OCIAD1: variants seen among roughly 807,000 people sequenced by gnomAD.
The protein encoded by OCIAD1 is OCIA domain containing 1, also known as OCIA domain-containing protein 1.
In OCIAD1, 29 loss-of-function variants were observed where a neutral mutation model predicts 38.9. The observed-to-expected ratio is 0.74, with a 90% CI of 0.55 to 1.02. OCIAD1 has a LOEUF of 1.02. Among genes scored for constraint, OCIAD1 ranks in the 50% least tolerant of loss-of-function variants. OCIAD1 has a pLI of 0.00. For missense variants in OCIAD1, 288 were observed against 289.6 expected (o/e 0.99, Z 0.04); for synonymous variants, 110 against 92.0 (o/e 1.20, Z -1.12).
upstream of OCIAD1, among the ~76,000 whole-genome samples, chr4:48,827,067 C>T (rs1777258486): frequency 6.6e-6 from 1 of 152,126 alleles, no homozygotes; most frequent in African/African-American, 2.4e-5. Flanking sequence ...ACTAGATAGT[C>T]TGGTGAACTA....
chr4:48,840,328 A>G (rs767970667), intron 3 of OCIAD1, among the ~76,000 whole-genome samples: 8 of 152,250 alleles, frequency 5.3e-5, no homozygotes, highest in Non-Finnish European at 1.2e-4. Flanking sequence ...GAGAAAAATG[A>G]TTGCAAATTG....
At chr4:48,849,748 G>C (rs542618467) in intron 5 of OCIAD1, among the ~76,000 whole-genome samples, 199 bp from the exon 6 acceptor site, 3 of 152,130 alleles carry the variant, frequency 2.0e-5, no homozygotes, top group Admixed American at 2.0e-4. Context: ...TTTGGAAACT[G>C]AATTATATCC....
intron 7 of OCIAD1, chr4:48,856,356 A>G (rs552993969): frequency 6.6e-6 from 1 of 152,274 alleles, no homozygotes; most frequent in East Asian, 1.9e-4. Context: ...ATTAAAGGCT[A>G]TGTTTTATAC....
chr4:48,829,843 G>A (rs1312568699), upstream of OCIAD1, among the ~76,000 whole-genome samples: 8 of 152,206 alleles, frequency 5.3e-5, no homozygotes, highest in African/African-American at 1.9e-4. Context: ...TCCTAAAGGA[G>A]CTCTGTAACA....
chr4:48,821,091 C>A (rs959962868), intron 1 of OCIAD1, among the ~76,000 whole-genome samples: 1 of 152,132 alleles, frequency 6.6e-6, no homozygotes, highest in African/African-American at 2.4e-5. Context: ...GGCAGAGACA[C>A]AACAAAAAAA....
chr4:48,829,116 T>C (rs1224206185), upstream of OCIAD1, among the ~76,000 whole-genome samples: 5 of 152,062 alleles, frequency 3.3e-5, no homozygotes, highest in Non-Finnish European at 5.9e-5. Context: ...AAAAATTAGC[T>C]GGGCGTGGTG....
At chr4:48,807,985 A>G (rs115431308) in intron 1 of OCIAD1, among the ~76,000 whole-genome samples, 2,610 of 152,222 alleles carry the variant, frequency 0.017, 70 homozygotes, top group African/African-American at 0.059. Flanking sequence ...TTAGTTCTCA[A>G]AATAAGAGGT....
chr4:48,820,272 G>C (rs556434513), intron 1 of OCIAD1, among the ~76,000 whole-genome samples: 1 of 152,256 alleles, frequency 6.6e-6, no homozygotes, highest in Admixed American at 6.5e-5. Context: ...CAACTACATG[G>C]AAATTGAACA....
At chr4:48,848,601 G>T in intron 5 of OCIAD1, 155 bp downstream of exon 5, 1 of 409,872 alleles carries the variant, frequency 2.4e-6, no homozygotes, top group Non-Finnish European at 4.3e-6. Flanking sequence ...TGGATTACTT[G>T]GATATTTTAT....
chr4:48,852,277 TTGAAAATAC>T, intron 7 of OCIAD1: 1 of 232,286 alleles, frequency 4.3e-6, no homozygotes, highest in Non-Finnish European at 8.3e-6. Context: ...GTCCCAGTAA[TTGAAAATAC>T]TAAGGCAAGC....
upstream of OCIAD1, among the ~76,000 whole-genome samples, chr4:48,826,773 G>T (rs1560409848): frequency 6.6e-6 from 1 of 152,060 alleles, no homozygotes; most frequent in African/African-American, 2.4e-5. Context: ...TTTTCCTCCA[G>T]CTACCACTCT....
intron 7 of OCIAD1, 76 bp downstream of exon 7, chr4:48,852,051 C>A: frequency 9.7e-7 from 1 of 1,029,696 alleles, no homozygotes; most frequent in South Asian, 1.5e-5. Context: ...ATGACCTTTT[C>A]TGCTGGATAT....
At chr4:48,844,851 A>G (rs1778843122) in intron 4 of OCIAD1, among the ~76,000 whole-genome samples, 1 of 152,172 alleles carries the variant, frequency 6.6e-6, no homozygotes, top group African/African-American at 2.4e-5. Flanking sequence ...TCATCTCTAG[A>G]TTACTTATAA....
At chr4:48,823,120 G>A (rs1777210147) in intron 1 of OCIAD1, among the ~76,000 whole-genome samples, 1 of 152,118 alleles carries the variant, frequency 6.6e-6, no homozygotes, top group Non-Finnish European at 1.5e-5. Context: ...GTTTACAATA[G>A]CAAAGTCATG....
In OCIAD1 at chr4:48,831,141, G is replaced by T; in HGVS notation, c.-114G>T. ...CTGTTCTACCCCTCCCCCTCCCCGC[G>T]GTACCTTGCACTTTTCTCCCTCCCT... On this transcript the variant is annotated 5_prime_UTR_variant, in exon 1 of 9. Transcript: ENST00000264312. The T allele has an allele frequency of 7.1e-6, 2 of 282,578 alleles. No homozygotes were observed. The highest frequency in any genetic ancestry group is 1.4e-5 in the Non-Finnish European group (2 of 140,586). 17.5% of individuals were successfully genotyped at this position (282,578 alleles called of 1,614,324 possible). A position where few individuals can be genotyped will look rare whatever the true frequency, so the allele number is the denominator to read the frequency against.
At position 48,832,896 on chromosome 4, in the gene OCIAD1, GGTAGCCA is replaced by G. The variant is rs2109513502; in HGVS notation, c.58+217_58+223del. The G allele has an allele frequency of 5.5e-6, 3 of 545,942 alleles. No homozygotes were observed. The East Asian group carries it at 9.2e-5, about 17-fold the overall frequency. 33.8% of individuals were successfully genotyped at this position (545,942 alleles called of 1,614,324 possible). ...ATTTTGCACTGGGCCCAGCACATTA[GGTAGCCA>G]GTCCTGACTAGCAGATAGTAGCATT... is the stretch of plus-strand genomic sequence containing the variant. On this transcript the variant is annotated intron_variant, in intron 2 of 8. Transcript: ENST00000264312.
intron 1 of OCIAD1, among the ~76,000 whole-genome samples, chr4:48,816,648 ACTT>A (rs1339352321): frequency 4.6e-5 from 7 of 152,132 alleles, no homozygotes; most frequent in Non-Finnish European, 8.8e-5. Context: ...TCAAAATACA[ACTT>A]CTTAACTGTT....
At chr4:48,830,503 G>C (rs113469620), upstream of OCIAD1, 1 of 152,180 alleles carries the variant, frequency 6.6e-6, no homozygotes, top group African/African-American at 2.4e-5. Context: ...TGTAGAAGTC[G>C]TGAGCCCCCT....
chr4:48,826,291 G>A (rs960691964), upstream of OCIAD1, among the ~76,000 whole-genome samples: 3 of 151,880 alleles, frequency 2.0e-5, no homozygotes, highest in African/African-American at 7.3e-5. Context: ...CTCCTAATGC[G>A]ATCCCTCCTC....
Sources: gnomAD v4.1 joint callset for allele counts (sites outside exome capture counted in the v4.1 genomes callset) on GRCh38, gnomAD v4.1.1 for gene constraint, MANE v1.5 for transcripts, NCBI Gene and HGNC (gene_info 2026-07-23, HGNC 2026-07-21) for gene names.